The following SEC23B variants were observed in gnomAD, a reference collection of about 807,000 sequenced individuals.
SEC23B encodes the protein protein transport protein Sec23B.
SEC23B carries 77 observed loss-of-function variants against 104.3 expected under a neutral mutation model. The ratio of observed to expected loss-of-function variants is 0.74; its 90% CI spans 0.61 to 0.89. The LOEUF (loss-of-function observed/expected upper bound fraction) is 0.89. SEC23B is among the 40% of genes least tolerant of loss of function. The pLI, the probability that SEC23B is intolerant of heterozygous loss-of-function variation, is 0.00. For synonymous variants in SEC23B, 338 were observed against 332.5 expected, an observed-to-expected ratio of 1.02 and a Z score of -0.18; for missense variants, 885 against 949.4, an observed-to-expected ratio of 0.93 and a Z score of 0.89.
In SEC23B at chr20:18,542,165, G is replaced by A; in HGVS notation, c.1405-131G>A. 4 of 827,796 alleles carry A rather than the reference G, an allele frequency of 4.8e-6. No homozygotes were observed. The South Asian group carries it at 5.3e-5, about 11-fold the overall frequency. The allele number at this position is 827,796 out of a possible 1,614,324, so 51.3% of individuals were successfully genotyped here. ...GCAGTGAAATGTGCAAATCCTAAGTGTGCCCTTCAAAATGTGTCAAGAACC... is the reference window on the plus strand; with the variant it reads ...GCAGTGAAATGTGCAAATCCTAAGTATGCCCTTCAAAATGTGTCAAGAACC... On this transcript the variant is annotated intron_variant, in intron 12 of 19. Coordinates refer to ENST00000650089, the MANE Select transcript of SEC23B (RefSeq NM_006363.6).
chr20:18,513,366 G>A (rs2059997885), intron 3 of SEC23B, among the ~76,000 whole-genome samples: 1 of 151,934 alleles, frequency 6.6e-6, no homozygotes, highest in African/African-American at 2.4e-5. Flanking sequence ...AAGTAACTGT[G>A]CCTGTAGTGG....
At chr20:18,508,904 A>G (rs995485098) in intron 1 of SEC23B, among the ~76,000 whole-genome samples, 11 of 151,956 alleles carry the variant, frequency 7.2e-5, no homozygotes, top group Admixed American at 3.9e-4. Flanking sequence ...TATTTTTAGT[A>G]GAGACGGGGT....
At chr20:18,514,927 T>C (rs2060012327) in intron 3 of SEC23B, among the ~76,000 whole-genome samples, 3 of 152,216 alleles carry the variant, frequency 2.0e-5, no homozygotes, top group Non-Finnish European at 4.4e-5. Flanking sequence ...CTAAATAAAG[T>C]CTTTGGCTTT....
chr20:18,559,644 C>T (rs1018357640), intron 19 of SEC23B, among the ~76,000 whole-genome samples: 4 of 152,248 alleles, frequency 2.6e-5, no homozygotes, highest in Non-Finnish European at 5.9e-5. Context: ...CTGCTTTAGT[C>T]CTTTGGCTAG....
At position 18,527,592 on chromosome 20, in the gene SEC23B, T is replaced by C; in HGVS notation, c.1090T>C (p.Cys364Arg). 1 of 1,605,650 alleles carries C rather than the reference T, an allele frequency of 6.2e-7. No individual in the cohort carries two copies. The highest frequency in any genetic ancestry group is 8.5e-7 in the Non-Finnish European group (1 of 1,172,236). The change falls in exon 9 of 20, where the codon TGT becomes CGT. Residue 364 changes from cysteine (C) to arginine (R), a missense_variant. Coordinates refer to ENST00000650089, the MANE Select transcript of SEC23B (RefSeq NM_006363.6). Reference sequence around the variant, plus strand: ...TCAAACTGGACTTTTGGAGATGAAGTGTTGTGCAAATCTTACTGGGTATGT... The same window carrying C: ...TCAAACTGGACTTTTGGAGATGAAGCGTTGTGCAAATCTTACTGGGTATGT... ...LDQTGLLEMKCCANLTGGYMV... is the reference protein window; with the variant it reads ...LDQTGLLEMKRCANLTGGYMV...
rs771033779 is a variant in SEC23B at position 18,548,632 on chromosome 20, T to G, written c.1767T>G (p.Ser589=). 21 of 1,613,986 alleles carry G rather than the reference T, an allele frequency of 1.3e-5. No homozygotes were observed. Among genetic ancestry groups the G allele is most frequent in the Non-Finnish European group, 1.7e-5 (20 of 1,179,964 alleles). The change falls in exon 16 of 20, where the codon TCT becomes TCG. Residue 589 remains serine (S), a synonymous_variant. Transcript: ENST00000650089. ...YPQFMFHLRR[S]PFLQVFNNSP... is the part of the protein sequence containing the mutation. ...AGTTTATGTTCCATCTGAGAAGATC[T>G]CCATTTCTTCAAGTGTTTAACAACA...
chr20:18,560,047 T>G (rs1018472419), intron 19 of SEC23B, among the ~76,000 whole-genome samples: 2 of 78,338 alleles, frequency 2.6e-5, no homozygotes, highest in Non-Finnish European at 7.8e-5. Context: ...CTAGAATCAT[T>G]ATTTAAAGAG....
chr20:18,560,619 T>C (rs892528053), intron 19 of SEC23B, 32 bp from the exon 20 acceptor site: 7 of 1,538,968 alleles, frequency 4.5e-6, no homozygotes, highest in Non-Finnish European at 6.3e-6. Flanking sequence ...TTCTAAGATA[T>C]CTGCCAACTA....
In SEC23B at chr20:18,541,558, G is replaced by C. The variant is rs375425578; in HGVS notation, c.1405-738G>C. Among the ~76,000 whole-genome samples, 105 of 152,320 alleles carry C rather than the reference G, an allele frequency of 6.9e-4. 3 individuals are homozygous for C. The South Asian group carries it at 0.021, about 30-fold the overall frequency. On this transcript the variant is annotated intron_variant, in intron 12 of 19. Transcript: ENST00000650089. ...TATTAACTGGCCTCATTTCAATATTGTTGTATCTCAGGAAATAGGGGAGGC... is the reference window on the plus strand; with the variant it reads ...TATTAACTGGCCTCATTTCAATATTCTTGTATCTCAGGAAATAGGGGAGGC...
chr20:18,555,596 T>C (rs986987638), intron 19 of SEC23B, among the ~76,000 whole-genome samples: 3 of 152,198 alleles, frequency 2.0e-5, no homozygotes, highest in African/African-American at 2.4e-5. Flanking sequence ...ATTACTACTT[T>C]ATCTAACTGC....
At chr20:18,552,873 G>C (rs1457414516) in intron 17 of SEC23B, among the ~76,000 whole-genome samples, 1 of 152,124 alleles carries the variant, frequency 6.6e-6, no homozygotes, top group African/African-American at 2.4e-5. Context: ...CATTGTATTA[G>C]ATATTATAAG....
intron 4 of SEC23B, among the ~76,000 whole-genome samples, chr20:18,517,048 C>T (rs887985399): frequency 3.9e-5 from 6 of 152,134 alleles, no homozygotes; most frequent in Non-Finnish European, 7.4e-5. Flanking sequence ...AGTTTAATTT[C>T]CATATATATG....
intron 4 of SEC23B, among the ~76,000 whole-genome samples, chr20:18,516,828 C>T (rs1425822430): frequency 6.6e-6 from 1 of 152,116 alleles, no homozygotes; most frequent in Non-Finnish European, 1.5e-5. Context: ...GCTGGGATTA[C>T]AGGCGTGAGC....
chr20:18,519,233 G>T (rs892859212), intron 4 of SEC23B, among the ~76,000 whole-genome samples: 1 of 152,184 alleles, frequency 6.6e-6, no homozygotes, highest in African/African-American at 2.4e-5. Flanking sequence ...CAGTCATGTG[G>T]GTCAGGTGTG....
intron 15 of SEC23B, 34 bp from the exon 16 acceptor site, chr20:18,548,575 T>C: frequency 6.2e-7 from 1 of 1,604,760 alleles, no homozygotes; most frequent in Non-Finnish European, 8.5e-7. Flanking sequence ...GTTACAATTA[T>C]ATGCATTTCT....
Position 18,543,040 on chromosome 20 carries a change from G to A in SEC23B, c.1533G>A (p.Gln511=), listed in dbSNP as rs747278846. Residue 511 remains glutamine, a synonymous_variant, in exon 14 of 20, where the codon CAG becomes CAA. Coordinates refer to ENST00000650089, the MANE Select transcript of SEC23B (RefSeq NM_006363.6). The stretch of plus-strand genomic sequence containing the variant: ...TCAGTTGGGCAGATGTACAGAGTCA[G>A]CTCAGGCACATAGAAGCAGCATTTG... ...IARNWADVQS[Q]LRHIEAAFDQ... is the part of the protein sequence containing the mutation. 3.7e-6 allele frequency: 6 copies of A among 1,614,208 alleles called. No individual in the cohort carries two copies. Among genetic ancestry groups the A allele is most frequent in the Non-Finnish European group, 4.2e-6 (5 of 1,180,034 alleles).
rs564100164 is a variant in SEC23B at position 18,544,452 on chromosome 20, A to C, written c.1665+1280A>C. 5.2e-4 allele frequency among the ~76,000 whole-genome samples: 79 copies of C among 152,168 alleles called. 1 individual carries two copies. Among genetic ancestry groups the C allele is most frequent in the Non-Finnish European group, 1.2e-4 (8 of 68,038 alleles). On this transcript the variant is annotated intron_variant, in intron 14 of 19. Coordinates refer to ENST00000650089, the MANE Select transcript of SEC23B (RefSeq NM_006363.6). ...AGGTTTTTATTACAGAATTAATTGG[A>C]GAAGGGAAGGCAAGGCTTGCTGAGT...
At chr20:18,557,475 T>C (rs2060450282) in intron 19 of SEC23B, among the ~76,000 whole-genome samples, 1 of 152,122 alleles carries the variant, frequency 6.6e-6, no homozygotes. Context: ...GCATAACTTA[T>C]CACAGTCTAC....
intron 12 of SEC23B, among the ~76,000 whole-genome samples, chr20:18,538,220 GT>G (rs1398458046): frequency 1.3e-5 from 2 of 150,680 alleles, no homozygotes; most frequent in Non-Finnish European, 2.9e-5. Flanking sequence ...AATTACAGGT[GT>G]GAGCTACCAC....
Sources: allele counts gnomAD v4.1 joint callset (sites outside exome capture counted in the v4.1 genomes callset), GRCh38; gene constraint gnomAD v4.1.1; transcripts MANE v1.5; gene names NCBI Gene and HGNC (gene_info 2026-07-23, HGNC 2026-07-21).